The following FARS2 variants were observed in gnomAD, a reference collection of about 807,000 sequenced individuals.
The protein encoded by FARS2 is phenylalanyl-tRNA synthetase 2, mitochondrial, also known as phenylalanine--tRNA ligase, mitochondrial.
A neutral mutation model predicts 46.4 loss-of-function variants in FARS2; 40 were observed. That is an observed-to-expected ratio of 0.86 (90% CI 0.67 to 1.12). The LOEUF is 1.12. Among genes scored for constraint, FARS2 ranks in the 50% most tolerant of loss-of-function variants. FARS2 has a pLI of 0.00. For synonymous variants in FARS2, 234 were observed against 214.9 expected (o/e 1.09, Z -0.78); for missense variants, 513 against 567.9 (o/e 0.90, Z 0.98).
chr6:5,636,734 C>A (rs923028524), intron 6 of FARS2, among the ~76,000 whole-genome samples: 4 of 152,190 alleles, frequency 2.6e-5, no homozygotes, highest in African/African-American at 9.6e-5. Context: ...GGTCAAGCCA[C>A]CAGGAGTAGC....
At chr6:5,596,212 G>T (rs1774189628) in intron 5 of FARS2, among the ~76,000 whole-genome samples, 1 of 152,200 alleles carries the variant, frequency 6.6e-6, no homozygotes, top group Non-Finnish European at 1.5e-5. Flanking sequence ...GAGATGCTTT[G>T]TTGGTGTGCT....
intron 4 of FARS2, among the ~76,000 whole-genome samples, chr6:5,514,003 G>C (rs1293270382): frequency 6.6e-6 from 1 of 151,738 alleles, no homozygotes; most frequent in African/African-American, 2.4e-5. Flanking sequence ...TTCTCCCATG[G>C]TATACAGGAG....
At chr6:5,621,760 G>A (rs1775786998) in intron 6 of FARS2, among the ~76,000 whole-genome samples, 1 of 152,204 alleles carries the variant, frequency 6.6e-6, no homozygotes, top group African/African-American at 2.4e-5. Context: ...CCCACTCATG[G>A]TGGGTACTTT....
chr6:5,651,530 A>G (rs538774721), intron 6 of FARS2, among the ~76,000 whole-genome samples: 5 of 152,336 alleles, frequency 3.3e-5, no homozygotes, highest in Admixed American at 3.3e-4. Context: ...GTTGCAACAA[A>G]AAAAGCAAGG....
At chr6:5,416,906 C>T (rs1328659027) in intron 3 of FARS2, among the ~76,000 whole-genome samples, 2 of 152,114 alleles carry the variant, frequency 1.3e-5, no homozygotes, top group African/African-American at 2.4e-5. Flanking sequence ...GCCTTTGTGC[C>T]GTCACATATT....
chr6:5,669,524 C>A (rs1483467190), intron 6 of FARS2, among the ~76,000 whole-genome samples: 2 of 152,244 alleles, frequency 1.3e-5, no homozygotes, highest in South Asian at 2.1e-4. Context: ...GGGAGAGCCA[C>A]CGTATACGTC....
chr6:5,266,753 A>G (rs1765575189), intron 1 of FARS2, among the ~76,000 whole-genome samples: 2 of 152,192 alleles, frequency 1.3e-5, no homozygotes, highest in African/African-American at 4.8e-5. Context: ...TGTAAAGCTA[A>G]CCGGTTTGTA....
intron 6 of FARS2, among the ~76,000 whole-genome samples, chr6:5,706,286 G>A (rs924685121): frequency 3.3e-5 from 5 of 152,180 alleles, no homozygotes; most frequent in South Asian, 2.1e-4. Flanking sequence ...CTTCCTAGCC[G>A]GACACAAACG....
intron 6 of FARS2, among the ~76,000 whole-genome samples, chr6:5,633,449 T>C (rs982998095): frequency 1.3e-5 from 2 of 151,910 alleles, no homozygotes; most frequent in Admixed American, 6.6e-5. Flanking sequence ...CTAATTTTTG[T>C]ATTTTTAGTA....
chr6:5,320,911 A>G (rs1042221640), intron 1 of FARS2, among the ~76,000 whole-genome samples: 4 of 152,160 alleles, frequency 2.6e-5, no homozygotes, highest in Non-Finnish European at 5.9e-5. Context: ...GGGCCAAGGT[A>G]ACTCCCTGGG....
At chr6:5,509,922 A>G (rs1354628916) in intron 4 of FARS2, among the ~76,000 whole-genome samples, 1 of 152,184 alleles carries the variant, frequency 6.6e-6, no homozygotes, top group African/African-American at 2.4e-5. Flanking sequence ...AAAATACATT[A>G]TGTCGCCCAA....
intron 1 of FARS2, among the ~76,000 whole-genome samples, chr6:5,308,698 C>G (rs547464735): frequency 1.3e-5 from 2 of 152,232 alleles, no homozygotes; most frequent in Admixed American, 6.5e-5. Flanking sequence ...GCTCCAACGT[C>G]TAACAATGTG....
intron 1 of FARS2, among the ~76,000 whole-genome samples, chr6:5,316,850 C>T (rs1014577884): frequency 6.6e-6 from 1 of 152,122 alleles, no homozygotes; most frequent in Non-Finnish European, 1.5e-5. Context: ...TTACCAAAGC[C>T]CAGCAGACTT....
chr6:5,269,537 T>C (rs555558622), intron 1 of FARS2, among the ~76,000 whole-genome samples: 1 of 152,184 alleles, frequency 6.6e-6, no homozygotes, highest in Admixed American at 6.5e-5. Flanking sequence ...CAGTATCTCA[T>C]TTTAGTAATT....
At chr6:5,528,477 A>G (rs944039934) in intron 4 of FARS2, among the ~76,000 whole-genome samples, 1 of 152,168 alleles carries the variant, frequency 6.6e-6, no homozygotes, top group Non-Finnish European at 1.5e-5. Context: ...ACTGATTTGC[A>G]TATGTATTTA....
intron 1 of FARS2, among the ~76,000 whole-genome samples, chr6:5,368,315 G>C (rs1342234797): frequency 6.6e-6 from 1 of 152,170 alleles, no homozygotes; most frequent in African/African-American, 2.4e-5. Flanking sequence ...GAATGACAAA[G>C]GAAGGACAAC....
intron 4 of FARS2, among the ~76,000 whole-genome samples, chr6:5,464,871 C>T (rs945716076): frequency 2.0e-5 from 3 of 152,136 alleles, no homozygotes; most frequent in African/African-American, 7.2e-5. Context: ...ATGAAAATAA[C>T]AAAATGAACA....
intron 4 of FARS2, among the ~76,000 whole-genome samples, chr6:5,539,434 A>G (rs760789672): frequency 1.2e-4 from 17 of 138,134 alleles, no homozygotes; most frequent in East Asian, 2.2e-4. Context: ...GGGTTTCACC[A>G]TGTTAGCCAG....
intron 4 of FARS2, among the ~76,000 whole-genome samples, chr6:5,489,607 C>T (rs531508243): frequency 6.6e-6 from 1 of 152,258 alleles, no homozygotes; most frequent in Non-Finnish European, 1.5e-5. Context: ...TTGTAATATG[C>T]TTCCATCTCT....
Sources: gnomAD v4.1 joint callset for allele counts (sites outside exome capture counted in the v4.1 genomes callset) on GRCh38, gnomAD v4.1.1 for gene constraint, MANE v1.5 for transcripts, NCBI Gene and HGNC (gene_info 2026-07-23, HGNC 2026-07-21) for gene names.